Variants in HIVEP1 observed in about 807,000 individuals in gnomAD.
The protein encoded by HIVEP1 is HIVEP zinc finger 1.
HIVEP1 carries 36 observed loss-of-function variants against 180.0 expected under a neutral mutation model. That is an observed-to-expected ratio of 0.20 (90% confidence interval 0.15 to 0.26). The LOEUF is 0.26. Ranked by LOEUF, HIVEP1 falls within the 10% of genes least tolerant of loss-of-function variation. The pLI is 1.00. For synonymous variants in HIVEP1, 1,239 were observed against 1,239.0 expected, an observed-to-expected ratio of 1.00 and a Z score of 0.00; for missense variants, 3,143 against 3,268.7, an observed-to-expected ratio of 0.96 and a Z score of 0.94.
chr6:12,123,708 A>G lies in HIVEP1; in HGVS notation c.3913A>G (p.Ser1305Gly), dbSNP rs753702629. The G allele has an allele frequency of 1.2e-6, 2 of 1,613,828 alleles. No individual in the cohort carries two copies. Among genetic ancestry groups the G allele is most frequent in the South Asian group, 2.2e-5 (2 of 91,088 alleles). ...ESSFDSTLSR[S>G]LSRESSLSHT... ...GAGCTTTGATTCCACTCTCTCCAGG[A>G]GTCTAAGTAGGGAGAGCAGTTTATC... Residue 1305 changes from serine to glycine, a missense_variant, in exon 4 of 9, where the codon AGT becomes GGT. Ser to Gly is a moderately conservative substitution (Grantham distance 56). This residue lies in a region of HIVEP1 where 1,357 missense variants were observed against 1,260.5 expected (regional missense o/e 1.08). Transcript: ENST00000379388.
intron 2 of HIVEP1, among the ~76,000 whole-genome samples, chr6:12,059,109 T>C (rs890401842): frequency 6.6e-6 from 1 of 152,174 alleles, no homozygotes; most frequent in Non-Finnish European, 1.5e-5. Flanking sequence ...TCACCAGTAG[T>C]ATCTTGTTCC....
chr6:12,204,823 C>T, the HIVEP1 span, among the ~76,000 whole-genome samples: 10 of 152,012 alleles, frequency 6.6e-5, no homozygotes, highest in African/African-American at 2.2e-4. Context: ...ATGAAGCTTC[C>T]GGTGGGGTGA....
intron 2 of HIVEP1, among the ~76,000 whole-genome samples, chr6:12,026,263 C>T (rs1180621412): frequency 6.6e-6 from 1 of 152,112 alleles, no homozygotes; most frequent in African/African-American, 2.4e-5. Flanking sequence ...ATGGAATTCC[C>T]CAAGGGAAAG....
chr6:12,050,917 C>A (rs957692884), intron 2 of HIVEP1, among the ~76,000 whole-genome samples: 9 of 149,556 alleles, frequency 6.0e-5, no homozygotes, highest in Admixed American at 1.3e-4. Flanking sequence ...AGGCGCTAGG[C>A]ATGCTCATTG....
In HIVEP1 at chr6:12,163,782, T is replaced by C; in HGVS notation, c.7478T>C (p.Met2493Thr). 1 of 1,614,182 alleles carries C rather than the reference T, an allele frequency of 6.2e-7. No individual in the cohort carries two copies. The highest frequency in any genetic ancestry group is 8.5e-7 in the Non-Finnish European group (1 of 1,180,030). ...PGLQSLPSLS[M>T]ETVNIVGLAN... ...TTGCAGTCACTCCCCTCGTTAAGCA[T>C]GGAAACCGTCAATATTGTAGGCCTA... is the stretch of plus-strand genomic sequence containing the variant. Residue 2493 changes from methionine (M) to threonine (T), a missense_variant, in exon 9 of 9, where the codon ATG (methionine) becomes ACG (threonine). Coordinates refer to ENST00000379388, the MANE Select transcript of HIVEP1 (RefSeq NM_002114.4).
chr6:12,053,586 T>TCTGAGTCCATAGCC, intron 2 of HIVEP1, among the ~76,000 whole-genome samples: 1 of 152,038 alleles, frequency 6.6e-6, no homozygotes, highest in Non-Finnish European at 1.5e-5. Context: ...GTGGGGGAGT[T>TCTGAGTCCATAGCC]CTGAGTCCAT....
Position 12,135,664 on chromosome 6 carries a change from T to C in HIVEP1, c.6386-127T>C, listed in dbSNP as rs897912263. 1.3e-5 allele frequency: 8 copies of C among 613,918 alleles called. No individual in the cohort carries two copies. The African/African-American group carries it at 1.5e-4, about 11-fold the overall frequency. The allele number at this position is 613,918 out of a possible 1,614,324, so 38.0% of individuals were successfully genotyped here. A position where few individuals can be genotyped will look rare whatever the true frequency, so the allele number is the denominator to read the frequency against. ...TACCAAATTTTCTTTTGTTCACATT[T>C]TAGTCATTGGAGTTGTACGACCACA... On this transcript the variant is annotated intron_variant, in intron 6 of 8. Coordinates refer to ENST00000379388, the MANE Select transcript of HIVEP1 (RefSeq NM_002114.4).
rs1307024635 is a variant in HIVEP1 at position 12,141,289 on chromosome 6, G to GA, written c.6487+5406dup. Among the ~76,000 whole-genome samples the GA allele has an allele frequency of 2.5e-4, 37 of 150,920 alleles. 2 individuals are homozygous for GA. Among genetic ancestry groups the GA allele is most frequent in the African/African-American group, 5.1e-4 (21 of 41,156 alleles). On this transcript the variant is annotated intron_variant, in intron 7 of 8. Coordinates refer to ENST00000379388, the MANE Select transcript of HIVEP1 (RefSeq NM_002114.4). Reference sequence around the variant, plus strand: ...CAAACTAAGCCTCATAAGTGAAGGAGAAAAAAAAATCCTTTATAGACAAGC... The same window carrying GA: ...CAAACTAAGCCTCATAAGTGAAGGAGAAAAAAAAAATCCTTTATAGACAAGC...
rs1317325452 is a variant in HIVEP1 at position 12,124,429 on chromosome 6, T to C, written c.4634T>C (p.Val1545Ala). The change falls in exon 4 of 9, where the codon GTT becomes GCT. Residue 1545 changes from valine (V) to alanine (A), a missense_variant. Transcript: ENST00000379388. ...GGTAGCAAGCCAGATAAAAATTCTG[T>C]TTTATCTGGGTCTTCTAAAAGTGAG... ...TQGSKPDKNS[V>A]LSGSSKSEDC... 6.2e-7 allele frequency: 1 copy of C among 1,614,128 alleles called. No homozygotes were observed. Among genetic ancestry groups the C allele is most frequent in the Non-Finnish European group, 8.5e-7 (1 of 1,180,002 alleles).
At chr6:12,059,218 A>C (rs902590242) in intron 2 of HIVEP1, among the ~76,000 whole-genome samples, 11 of 152,116 alleles carry the variant, frequency 7.2e-5, no homozygotes, top group African/African-American at 2.7e-4. Flanking sequence ...TTGTATTTTT[A>C]GAAGAGATGG....
At chr6:12,138,016 AG>A (rs946373050) in intron 7 of HIVEP1, among the ~76,000 whole-genome samples, 1 of 152,148 alleles carries the variant, frequency 6.6e-6, no homozygotes, top group Non-Finnish European at 1.5e-5. Flanking sequence ...ATTGCTGCTG[AG>A]GGGCAGCTTC....
At chr6:12,114,250 GA>G (rs1208144889) in intron 3 of HIVEP1, among the ~76,000 whole-genome samples, 1 of 152,194 alleles carries the variant, frequency 6.6e-6, no homozygotes, top group African/African-American at 2.4e-5. Context: ...ACTGCTTTCA[GA>G]GATAATGATG....
chr6:12,013,125 C>G (rs936452849), intron 1 of HIVEP1, among the ~76,000 whole-genome samples: 1 of 152,158 alleles, frequency 6.6e-6, no homozygotes, highest in Admixed American at 6.5e-5. Flanking sequence ...AGTCTCAGGG[C>G]TGCCGCGCTC....
intron 7 of HIVEP1, among the ~76,000 whole-genome samples, chr6:12,139,544 C>G (rs559930699): frequency 1.3e-5 from 2 of 152,248 alleles, no homozygotes; most frequent in Admixed American, 1.3e-4. Flanking sequence ...TCGCCTCACC[C>G]AGGAAGCACA....
the HIVEP1 span, among the ~76,000 whole-genome samples, chr6:12,179,646 C>T: frequency 0.014 from 2,142 of 152,276 alleles, 30 homozygotes; most frequent in Non-Finnish European, 0.023. Flanking sequence ...CCTGCTTTTA[C>T]CATTATGACT....
intron 2 of HIVEP1, among the ~76,000 whole-genome samples, chr6:12,075,527 A>T (rs1452009789): frequency 6.6e-6 from 1 of 151,386 alleles, no homozygotes; most frequent in African/African-American, 2.4e-5. Flanking sequence ...ATTATTACTA[A>T]CACTACAACA....
At chr6:12,065,694 T>TGC (rs1391870705) in intron 2 of HIVEP1, among the ~76,000 whole-genome samples, 175 of 60,392 alleles carry the variant, frequency 2.9e-3, no homozygotes, top group African/African-American at 6.9e-3. Flanking sequence ...TGTGTGTGCG[T>TGC]GTGTGTGTGT....
chr6:12,032,859 A>G (rs1769041615), intron 2 of HIVEP1, among the ~76,000 whole-genome samples: 1 of 152,206 alleles, frequency 6.6e-6, no homozygotes, highest in African/African-American at 2.4e-5. Context: ...ACTGAAACAT[A>G]CAGTGTATTT....
At chr6:12,211,888 G>T in the HIVEP1 span, among the ~76,000 whole-genome samples, 1 of 152,280 alleles carries the variant, frequency 6.6e-6, no homozygotes, top group Non-Finnish European at 1.5e-5. Flanking sequence ...CACATGGTAT[G>T]GAGAAATATT....
Sources: gnomAD v4.1 joint callset for allele counts (sites outside exome capture counted in the v4.1 genomes callset) on GRCh38, gnomAD v4.1.1 for gene constraint, gnomAD v4.1.1 regional missense constraint, MANE v1.5 for transcripts, NCBI Gene and HGNC (gene_info 2026-07-23, HGNC 2026-07-21) for gene names.